The following DNAI4 variants were observed in gnomAD, a reference collection of about 807,000 sequenced individuals.
The protein encoded by DNAI4 is dynein axonemal intermediate chain 4, also known as WD repeat domain 78.
A neutral mutation model predicts 105.8 loss-of-function variants in DNAI4; 85 were observed. The observed-to-expected ratio is 0.80, with a 90% confidence interval of 0.67 to 0.96. The LOEUF is 0.96. Ranked by LOEUF, DNAI4 falls within the 40% of genes least tolerant of loss-of-function variation. The pLI, the probability that DNAI4 is intolerant of heterozygous loss-of-function variation, is 0.00. For synonymous variants in DNAI4, 352 were observed against 331.5 expected, an observed-to-expected ratio of 1.06 and a Z score of -0.67; for missense variants, 1,014 against 1,005.6, an observed-to-expected ratio of 1.01 and a Z score of -0.11.
chr1:66,891,783 A>T (rs1440649043), intron 3 of DNAI4, among the ~76,000 whole-genome samples: 1 of 152,198 alleles, frequency 6.6e-6, no homozygotes, highest in Non-Finnish European at 1.5e-5. Flanking sequence ...TTTAGAAGAA[A>T]GACATGTTAA....
intron 13 of DNAI4, chr1:66,828,506 T>C (rs1645801639): frequency 6.6e-6 from 1 of 152,204 alleles, no homozygotes; most frequent in Non-Finnish European, 1.5e-5. Flanking sequence ...TCACCTGTTT[T>C]TAATTCCTAA....
chr1:66,914,651 G>A (rs1649929876), intron 1 of DNAI4, among the ~76,000 whole-genome samples: 1 of 151,634 alleles, frequency 6.6e-6, no homozygotes, highest in African/African-American at 2.4e-5. Flanking sequence ...CTATTTAGCT[G>A]ACAACTGCCC....
intron 10 of DNAI4, 130 bp from the exon 11 acceptor site, chr1:66,835,907 T>C (rs1557907594): frequency 4.1e-6 from 3 of 726,026 alleles, no homozygotes; most frequent in Non-Finnish European, 6.9e-6. Context: ...CAGTTACTTC[T>C]GTCTTCCTAA....
rs994435713 is a variant in DNAI4 at position 66,822,484 on chromosome 1, A to C, written c.2373T>G (p.Pro791=). The C allele has an allele frequency of 7.4e-6, 12 of 1,611,166 alleles. No homozygotes were observed. The highest frequency in any genetic ancestry group is 9.3e-6 in the Non-Finnish European group (11 of 1,178,982). ...LDPLIVNTAN[P]GIKFTTILFA... ...AGAGAATGGTTGTGAACTTGATTCCAGGGTTAGCAGTATTCACAATCAGAG... is the reference window on the plus strand; with the variant it reads ...AGAGAATGGTTGTGAACTTGATTCCCGGGTTAGCAGTATTCACAATCAGAG... The change falls in exon 16 of 17, where the codon CCT becomes CCG. Residue 791 remains proline, a synonymous_variant. Coordinates refer to ENST00000371026, the MANE Select transcript of DNAI4 (RefSeq NM_024763.5).
rs112650623 is a variant in DNAI4, at chr1:66,877,733, G to A, written c.644-2796C>T. On this transcript the variant is annotated intron_variant, in intron 4 of 16. Coordinates refer to ENST00000371026, the MANE Select transcript of DNAI4 (RefSeq NM_024763.5). ...ACATTTAGTCATGATGTCTCCTTAC[G>A]GCTCTCTACACTGTGACAGTTTCTC... Among the ~76,000 whole-genome samples the A allele has an allele frequency of 8.8e-3, 1,338 of 151,920 alleles. 17 individuals are homozygous for A. The highest frequency in any genetic ancestry group is 0.03 in the African/African-American group (1,245 of 41,442).
chr1:66,839,045 A>T (rs1646091152), intron 9 of DNAI4, among the ~76,000 whole-genome samples: 1 of 152,266 alleles, frequency 6.6e-6, no homozygotes, highest in Non-Finnish European at 1.5e-5. Context: ...AAAATTATTT[A>T]ATTTAATCTC....
At chr1:66,824,863 T>C (rs1645715715) in intron 15 of DNAI4, among the ~76,000 whole-genome samples, 2 of 152,226 alleles carry the variant, frequency 1.3e-5, no homozygotes, top group South Asian at 4.1e-4. Flanking sequence ...TTCATACAAT[T>C]AGTTGAAGGC....
chr1:66,909,658 T>C (rs535317457), intron 1 of DNAI4, among the ~76,000 whole-genome samples: 1 of 152,018 alleles, frequency 6.6e-6, no homozygotes, highest in Non-Finnish European at 1.5e-5. Flanking sequence ...TTCCCAAATA[T>C]ATGTATATCT....
intron 10 of DNAI4, among the ~76,000 whole-genome samples, chr1:66,836,140 AAAAGAAAGAAAGAAAGAAAGAAAGAAAG>A (rs1165479234): frequency 1.0e-5 from 1 of 96,008 alleles, no homozygotes; most frequent in Non-Finnish European, 2.1e-5. Flanking sequence ...AGAAAGAAAG[AAAAGAAAGAAAGAAAGAAAGAAAGAAAG>A]AAAGAAAGAA....
At chr1:66,893,055 G>GAA (rs1226481232) in intron 3 of DNAI4, among the ~76,000 whole-genome samples, 174 bp downstream of exon 3, 6,035 of 79,872 alleles carry the variant, frequency 0.076, 280 homozygotes, top group African/African-American at 0.11. Context: ...AAGAAAGAAA[G>GAA]AGAGAGAGAG....
Position 66,814,200 on chromosome 1 carries a change from C to A in DNAI4, c.2497-20G>T, listed in dbSNP as rs371392757. The A allele has an allele frequency of 2.6e-6, 4 of 1,563,908 alleles. No individual in the cohort carries two copies. The highest frequency in any genetic ancestry group is 1.4e-5 in the African/African-American group (1 of 72,928). On this transcript the variant is annotated intron_variant, in intron 16 of 16. Coordinates refer to ENST00000371026, the MANE Select transcript of DNAI4 (RefSeq NM_024763.5). ...ATCTCCCTGAAAAAAAAAAGTCACA[C>A]AATTACAATGCAATAAAATGCAAAT...
At chr1:66,893,047 GAAAGAA>G in intron 3 of DNAI4, among the ~76,000 whole-genome samples, 176 bp downstream of exon 3, 1 of 117,968 alleles carries the variant, frequency 8.5e-6, no homozygotes, top group African/African-American at 3.8e-5. Context: ...AAGAAAGAAA[GAAAGAA>G]AGAGAGAGAG....
chr1:66,818,311 G>T (rs1645558682), intron 16 of DNAI4, among the ~76,000 whole-genome samples: 1 of 151,772 alleles, frequency 6.6e-6, no homozygotes, highest in African/African-American at 2.4e-5. Context: ...AAATTACTAA[G>T]AATTCCTTAA....
intron 10 of DNAI4, among the ~76,000 whole-genome samples, chr1:66,836,296 GAAAGAAAGAAAGA>G (rs1557909001): frequency 6.7e-6 from 1 of 149,844 alleles, no homozygotes; most frequent in Non-Finnish European, 1.5e-5. Flanking sequence ...AAGAAAGAAA[GAAAGAAAGAAAGA>G]AAGAAAGAAA....
intron 1 of DNAI4, among the ~76,000 whole-genome samples, chr1:66,912,514 C>T (rs923671173): frequency 2.0e-5 from 3 of 151,988 alleles, no homozygotes; most frequent in African/African-American, 4.8e-5. Flanking sequence ...TTGTCTCTCA[C>T]CTACCTGTGA....
chr1:66,874,204 A>G (rs1405097020), intron 5 of DNAI4, among the ~76,000 whole-genome samples: 1 of 152,096 alleles, frequency 6.6e-6, no homozygotes, highest in South Asian at 2.1e-4. Flanking sequence ...TCATGAAAAC[A>G]TAACAATCCT....
At chr1:66,880,770 T>C (rs1647052711) in intron 4 of DNAI4, among the ~76,000 whole-genome samples, 1 of 152,174 alleles carries the variant, frequency 6.6e-6, no homozygotes, top group African/African-American at 2.4e-5. Context: ...GGATAAGTAA[T>C]GAGAAGCCAA....
At chr1:66,878,765 T>G (rs1283155743) in intron 4 of DNAI4, among the ~76,000 whole-genome samples, 1 of 152,154 alleles carries the variant, frequency 6.6e-6, no homozygotes, top group African/African-American at 2.4e-5. Flanking sequence ...CTCCAATTAC[T>G]TACATGTTCA....
chr1:66,840,764 TTCAAGCACCATCAGATCTGC>T (rs911523809), intron 8 of DNAI4, 93 bp from the exon 9 acceptor site: 14 of 1,292,298 alleles, frequency 1.1e-5, no homozygotes, highest in Admixed American at 3.6e-5. Flanking sequence ...CCACTGACAC[TTCAAGCACCATCAGATCTGC>T]TGGATCATAT....
Sources: gnomAD v4.1 joint callset for allele counts (sites outside exome capture counted in the v4.1 genomes callset) on GRCh38, gnomAD v4.1.1 for gene constraint, MANE v1.5 for transcripts, NCBI Gene and HGNC (gene_info 2026-07-23, HGNC 2026-07-21) for gene names.